The following KCNQ3 variants were observed in gnomAD, a reference collection of about 807,000 sequenced individuals.
KCNQ3 encodes potassium voltage-gated channel subfamily Q member 3, also known as potassium voltage-gated channel subfamily KQT member 3.
In KCNQ3, 30 loss-of-function variants were observed where a neutral mutation model predicts 92.5. The observed-to-expected ratio is 0.32, with a 90% CI of 0.24 to 0.44. The LOEUF (loss-of-function observed/expected upper bound fraction) is 0.44, where lower values mean the gene tolerates loss of function less well. KCNQ3 is among the 20% of genes least tolerant of loss of function. The pLI, the probability that KCNQ3 is intolerant of heterozygous loss-of-function variation, is 1.00. For synonymous variants in KCNQ3, 450 were observed against 468.8 expected, an observed-to-expected ratio of 0.96 and a Z score of 0.52; for missense variants, 913 against 1,140.3, an observed-to-expected ratio of 0.80 and a Z score of 2.87.
At chr8:132,305,913 A>G (rs375473346) in intron 1 of KCNQ3, among the ~76,000 whole-genome samples, 248 of 92,288 alleles carry the variant, frequency 2.7e-3, no homozygotes, top group African/African-American at 0.011. Flanking sequence ...GTTTTGTTTT[A>G]ATGTGTGGGC....
chr8:132,168,717 ATG>A (rs568659056), intron 8 of KCNQ3, among the ~76,000 whole-genome samples: 1,532 of 108,316 alleles, frequency 0.014, 18 homozygotes, highest in East Asian at 0.029. Flanking sequence ...GATAATGAAT[ATG>A]TGTGTGTGTG....
chr8:132,463,607 T>C (rs1207875348), intron 1 of KCNQ3, among the ~76,000 whole-genome samples: 1 of 152,202 alleles, frequency 6.6e-6, no homozygotes, highest in African/African-American at 2.4e-5. Flanking sequence ...TCTAGGCAAG[T>C]GTTTTTCATG....
intron 1 of KCNQ3, among the ~76,000 whole-genome samples, chr8:132,411,140 T>C (rs1486788691): frequency 1.3e-5 from 2 of 152,172 alleles, no homozygotes; most frequent in Non-Finnish European, 2.9e-5. Context: ...ACTGTAAACA[T>C]GCATAAAGGT....
intron 1 of KCNQ3, among the ~76,000 whole-genome samples, chr8:132,421,872 T>C (rs77771167): frequency 0.018 from 2,782 of 152,258 alleles, 84 homozygotes; most frequent in African/African-American, 0.063. Flanking sequence ...GACTTCATTT[T>C]CCAAAGGGAG....
At position 132,121,037 on chromosome 8, in the gene KCNQ3, ATAT is replaced by A. The variant is rs1212111415; in HGVS notation, c.*8222_*8224del. 1 of 152,222 alleles carries A rather than the reference ATAT, an allele frequency of 6.6e-6. No homozygotes were observed. Among genetic ancestry groups the A allele is most frequent in the Non-Finnish European group, 1.5e-5 (1 of 68,050 alleles). 9.4% of individuals were successfully genotyped at this position (152,222 alleles called of 1,614,324 possible). A position where few individuals can be genotyped will look rare whatever the true frequency, so the allele number is the denominator to read the frequency against. On this transcript the variant is annotated 3_prime_UTR_variant, in exon 15 of 15. Coordinates refer to ENST00000388996, the MANE Select transcript of KCNQ3 (RefSeq NM_004519.4). Reference sequence around the variant, plus strand: ...TACAGTTTAAAAATTACAGGAAATCATATTATAAAGAGCACTAAAGGCCACTTG... The same window carrying A: ...TACAGTTTAAAAATTACAGGAAATCATATAAAGAGCACTAAAGGCCACTTG...
In KCNQ3 at chr8:132,294,607, G is replaced by A. The variant is rs929324632; in HGVS notation, c.387-108426C>T. 3.3e-5 allele frequency among the ~76,000 whole-genome samples: 5 copies of A among 152,106 alleles called. No individual in the cohort carries two copies. The East Asian group carries it at 7.7e-4, about 23-fold the overall frequency. ...CAACTTTCATAAGTTCTTGTGGAAC[G>A]TTTGGTGAGATACTCTGTATTTTGT... On this transcript the variant is annotated intron_variant, in intron 1 of 14. Coordinates refer to ENST00000388996, the MANE Select transcript of KCNQ3 (RefSeq NM_004519.4).
chr8:132,439,089 T>A (rs868031399), intron 1 of KCNQ3, among the ~76,000 whole-genome samples: 3 of 151,612 alleles, frequency 2.0e-5, no homozygotes, highest in Admixed American at 6.6e-5. Flanking sequence ...AATACCCCCA[T>A]ACTTCCTACC....
chr8:132,139,417 C>T (rs1333469965), intron 11 of KCNQ3, among the ~76,000 whole-genome samples: 3 of 152,264 alleles, frequency 2.0e-5, no homozygotes, highest in Non-Finnish European at 1.5e-5. Context: ...TGTAACACTA[C>T]TGTGCTTCCC....
intron 3 of KCNQ3, among the ~76,000 whole-genome samples, chr8:132,181,527 T>C (rs899570405): frequency 6.6e-6 from 1 of 152,216 alleles, no homozygotes; most frequent in Non-Finnish European, 1.5e-5. Context: ...CCAAAATATT[T>C]TGACCACGGA....
chr8:132,422,834 A>AT (rs1362741629), intron 1 of KCNQ3, among the ~76,000 whole-genome samples: 1 of 152,218 alleles, frequency 6.6e-6, no homozygotes, highest in Non-Finnish European at 1.5e-5. Context: ...GCCTGAAGAA[A>AT]TCCTCAGGAT....
chr8:132,355,544 G>C (rs973074219), intron 1 of KCNQ3, among the ~76,000 whole-genome samples: 5 of 152,066 alleles, frequency 3.3e-5, no homozygotes, highest in African/African-American at 1.2e-4. Context: ...AGTTTAAGAG[G>C]AAGAGCCCAA....
intron 1 of KCNQ3, among the ~76,000 whole-genome samples, chr8:132,408,593 A>G (rs1820561560): frequency 6.6e-6 from 1 of 152,134 alleles, no homozygotes; most frequent in Admixed American, 6.5e-5. Context: ...TCCAGCAACT[A>G]TTTTTACCTT....
intron 1 of KCNQ3, among the ~76,000 whole-genome samples, chr8:132,395,548 A>G (rs926249529): frequency 1.3e-5 from 2 of 152,230 alleles, no homozygotes; most frequent in Non-Finnish European, 2.9e-5. Flanking sequence ...TCAACCAAAC[A>G]TCTTAGCTCA....
intron 1 of KCNQ3, among the ~76,000 whole-genome samples, chr8:132,421,249 G>A (rs999038108): frequency 1.3e-5 from 2 of 152,142 alleles, no homozygotes; most frequent in African/African-American, 4.8e-5. Context: ...TCATGCATGT[G>A]AGGGGCACAT....
chr8:132,417,700 A>G (rs1305308309), intron 1 of KCNQ3, among the ~76,000 whole-genome samples: 1 of 152,156 alleles, frequency 6.6e-6, no homozygotes, highest in African/African-American at 2.4e-5. Flanking sequence ...TCATTCATTC[A>G]TTCATTCCAG....
At chr8:132,219,327 C>G (rs1814141640) in intron 1 of KCNQ3, among the ~76,000 whole-genome samples, 2 of 152,140 alleles carry the variant, frequency 1.3e-5, no homozygotes, top group African/African-American at 4.8e-5. Context: ...CTGCCTTATT[C>G]ATGCCCAGTG....
intron 1 of KCNQ3, among the ~76,000 whole-genome samples, chr8:132,273,858 T>G (rs1422528694): frequency 6.6e-6 from 1 of 152,242 alleles, no homozygotes; most frequent in East Asian, 1.9e-4. Flanking sequence ...AAATCACCTT[T>G]GCTCCAGTTC....
At chr8:132,468,801 C>A (rs937340702) in intron 1 of KCNQ3, among the ~76,000 whole-genome samples, 1 of 152,186 alleles carries the variant, frequency 6.6e-6, no homozygotes, top group Admixed American at 6.5e-5. Context: ...TAGAGAGAAG[C>A]CCACCTCGGG....
chr8:132,462,570 A>T (rs926635248), intron 1 of KCNQ3, among the ~76,000 whole-genome samples: 1 of 152,252 alleles, frequency 6.6e-6, no homozygotes, highest in Non-Finnish European at 1.5e-5. Context: ...GAAAATCAAC[A>T]GTCAGTGAGT....
Sources: gnomAD v4.1 joint callset for allele counts (sites outside exome capture counted in the v4.1 genomes callset) on GRCh38, gnomAD v4.1.1 for gene constraint, MANE v1.5 for transcripts, NCBI Gene and HGNC (gene_info 2026-07-23, HGNC 2026-07-21) for gene names.